The following LMBR1 variants were observed in gnomAD, a reference collection of about 807,000 sequenced individuals.
LMBR1 encodes the protein limb region 1 protein homolog.
A neutral mutation model predicts 73.9 loss-of-function variants in LMBR1; 52 were observed. That is an observed-to-expected ratio of 0.70 (90% CI 0.56 to 0.89). The LOEUF is 0.89. Ranked by LOEUF, LMBR1 falls within the 40% of genes least tolerant of loss-of-function variation. LMBR1 has a pLI of 0.00. For missense variants in LMBR1, 539 were observed against 579.8 expected (o/e 0.93, Z 0.72); for synonymous variants, 215 against 209.4 (o/e 1.03, Z -0.23).
intron 5 of LMBR1, among the ~76,000 whole-genome samples, chr7:156,772,133 G>A (rs1356369733): frequency 1.3e-5 from 2 of 152,040 alleles, no homozygotes; most frequent in Non-Finnish European, 2.9e-5. Context: ...AATTAGCCAG[G>A]CATGGTAGCG....
Position 156,680,549 on chromosome 7 carries a change from A to G in LMBR1, c.*3529T>C, listed in dbSNP as rs73163986. 9,477 of 152,432 alleles carry G rather than the reference A, an allele frequency of 0.062. 417 individuals are homozygous for G. Among genetic ancestry groups the G allele is most frequent in the African/African-American group, 0.11 (4,704 of 41,528 alleles). The allele number at this position is 152,432 out of a possible 1,614,324, so 9.4% of individuals were successfully genotyped here. A position where few individuals can be genotyped will look rare whatever the true frequency, so the allele number is the denominator to read the frequency against. On this transcript the variant is annotated 3_prime_UTR_variant, in exon 17 of 17. Coordinates refer to ENST00000353442, the MANE Select transcript of LMBR1 (RefSeq NM_022458.4). The stretch of plus-strand genomic sequence containing the variant: ...CCAGGAACTCTGGGTTAAGCTGTCC[A>G]GACCACAAGTAGGTGCTGTTCAGTC...
chr7:156,800,557 C>A (rs79039122), intron 4 of LMBR1, among the ~76,000 whole-genome samples: 2,982 of 149,556 alleles, frequency 0.02, 104 homozygotes, highest in African/African-American at 0.069. Context: ...GATGAAAGAG[C>A]CCTGGTGGAG....
rs1326538725 is a variant in LMBR1, at chr7:156,669,719, G to A, written n.867-432C>T. Among the ~76,000 whole-genome samples, 1 of 152,216 alleles carries A rather than the reference G, an allele frequency of 6.6e-6. No homozygotes were observed. Among genetic ancestry groups the A allele is most frequent in the Non-Finnish European group, 1.5e-5 (1 of 68,036 alleles). On this transcript the variant is annotated intron_variant and non_coding_transcript_variant, in intron 4 of 4. Coordinates refer to the LMBR1 transcript ENST00000430825. The surrounding 1 kb of genome is among the most constrained non-coding windows in gnomAD (Gnocchi z 4.2). ...AGACCAAAGAGGGTGAAGAGGGCAG[G>A]GCTGGGACTCCCAGGGAGAAGGGGC...
rs925957682 is a variant in LMBR1 at position 156,830,249 on chromosome 7, A to C, written c.179+3504T>G. Reference sequence around the variant, plus strand: ...AAATAAATGCTTTTTATTTATTTGTAGTTATCAATAAAATGAAAGACCTCA... The same window carrying C: ...AAATAAATGCTTTTTATTTATTTGTCGTTATCAATAAAATGAAAGACCTCA... On this transcript the variant is annotated intron_variant, in intron 3 of 16. Coordinates refer to ENST00000353442, the MANE Select transcript of LMBR1 (RefSeq NM_022458.4). Among the ~76,000 whole-genome samples the C allele has an allele frequency of 9.2e-5, 14 of 152,320 alleles. No individual in the cohort carries two copies. In the East Asian group the frequency reaches 2.5e-3, roughly 27 times the overall value.
chr7:156,700,032 C>A (rs1348775317), intron 15 of LMBR1, among the ~76,000 whole-genome samples: 1 of 152,164 alleles, frequency 6.6e-6, no homozygotes, highest in African/African-American at 2.4e-5. Context: ...ACCCAGCCAT[C>A]CCATTACTGG....
intron 1 of LMBR1, among the ~76,000 whole-genome samples, chr7:156,867,705 T>C (rs907904864): frequency 6.6e-6 from 1 of 152,178 alleles, no homozygotes; most frequent in Non-Finnish European, 1.5e-5. Flanking sequence ...ATATCCAGAA[T>C]AGACAAATCT....
At chr7:156,736,563 T>C in intron 9 of LMBR1, 1 of 457,094 alleles carries the variant, frequency 2.2e-6, no homozygotes, top group Admixed American at 2.3e-5. Context: ...CTTGTTCTTC[T>C]GGCACTTGTC....
At chr7:156,738,141 T>A (rs1011456040) in intron 9 of LMBR1, among the ~76,000 whole-genome samples, 42 of 152,082 alleles carry the variant, frequency 2.8e-4, no homozygotes, top group Middle Eastern at 6.8e-3. Flanking sequence ...GCAGCGGCCG[T>A]GTAGTGTGGA....
intron 15 of LMBR1, among the ~76,000 whole-genome samples, chr7:156,702,334 G>GT (rs1466805780): frequency 1.3e-5 from 2 of 152,094 alleles, no homozygotes; most frequent in Non-Finnish European, 2.9e-5. Flanking sequence ...GCATGATATG[G>GT]TATCTCATTG....
intron 1 of LMBR1, among the ~76,000 whole-genome samples, chr7:156,870,833 G>GTAA (rs1201875896): frequency 6.6e-6 from 1 of 151,298 alleles, no homozygotes; most frequent in Non-Finnish European, 1.5e-5. Context: ...AAAAGCAGCA[G>GTAA]TAAGAATGAA....
chr7:156,780,425 CAT>C (rs1826926020), intron 5 of LMBR1, among the ~76,000 whole-genome samples: 1 of 152,086 alleles, frequency 6.6e-6, no homozygotes, highest in Non-Finnish European at 1.5e-5. Context: ...TGAATTAATA[CAT>C]GTTTTCAATA....
intron 5 of LMBR1, among the ~76,000 whole-genome samples, chr7:156,770,515 A>C (rs1473078622): frequency 6.6e-6 from 1 of 152,234 alleles, no homozygotes; most frequent in Non-Finnish European, 1.5e-5. Context: ...CAGATGCTCA[A>C]ATAAATGAGT....
chr7:156,873,097 C>T (rs1439323604), intron 1 of LMBR1, among the ~76,000 whole-genome samples: 1 of 152,204 alleles, frequency 6.6e-6, no homozygotes, highest in Admixed American at 6.5e-5. Flanking sequence ...GTCTCACTGA[C>T]TTCAAGAATG....
chr7:156,815,663 A>AC (rs1246063946), intron 4 of LMBR1, among the ~76,000 whole-genome samples: 1 of 152,174 alleles, frequency 6.6e-6, no homozygotes, highest in African/African-American at 2.4e-5. Flanking sequence ...CTCATTAGCC[A>AC]CGTGGCTCAC....
intron 5 of LMBR1, among the ~76,000 whole-genome samples, chr7:156,785,063 A>G (rs1171903996): frequency 6.6e-6 from 1 of 152,250 alleles, no homozygotes; most frequent in Non-Finnish European, 1.5e-5. Flanking sequence ...CACACTAATT[A>G]CAGTAAAACA....
intron 1 of LMBR1, among the ~76,000 whole-genome samples, chr7:156,837,097 G>A (rs562893229): frequency 2.0e-5 from 3 of 151,880 alleles, no homozygotes; most frequent in Non-Finnish European, 4.4e-5. Flanking sequence ...GCCAAGGCGG[G>A]TGGATCATCT....
At chr7:156,858,643 A>T (rs894721664) in intron 1 of LMBR1, among the ~76,000 whole-genome samples, 1 of 152,226 alleles carries the variant, frequency 6.6e-6, no homozygotes, top group Non-Finnish European at 1.5e-5. Context: ...TCTCATGAGC[A>T]CACATGCAAA....
intron 4 of LMBR1, among the ~76,000 whole-genome samples, chr7:156,825,212 T>G (rs576124461): frequency 7.2e-5 from 11 of 152,054 alleles, no homozygotes; most frequent in Non-Finnish European, 1.5e-4. Context: ...GAAAAAAAAT[T>G]TTCAAAAAAC....
At chr7:156,737,480 G>T (rs897268845) in intron 9 of LMBR1, among the ~76,000 whole-genome samples, 1 of 151,976 alleles carries the variant, frequency 6.6e-6, no homozygotes, top group Non-Finnish European at 1.5e-5. Context: ...TTTAGATCTG[G>T]GAAATCTTCA....
Sources: gnomAD v4.1 joint callset for allele counts (sites outside exome capture counted in the v4.1 genomes callset) on GRCh38, gnomAD v4.1.1 for gene constraint, Gnocchi (gnomAD v3.1) non-coding constraint, MANE v1.5 for transcripts, NCBI Gene and HGNC (gene_info 2026-07-23, HGNC 2026-07-21) for gene names.